The following SERPINB10 variants were observed in gnomAD, a reference collection of about 807,000 sequenced individuals.
SERPINB10 encodes the protein serpin family B member 10.
SERPINB10 carries 35 observed loss-of-function variants against 39.1 expected under a neutral mutation model. That is an observed-to-expected ratio of 0.90 (90% CI 0.68 to 1.19). SERPINB10 has a LOEUF of 1.19. Ranked by LOEUF, SERPINB10 falls within the 50% of genes most tolerant of loss-of-function variation. The pLI is 0.00. For synonymous variants in SERPINB10, 190 were observed against 158.1 expected (o/e 1.20, Z -1.52); for missense variants, 546 against 460.5 (o/e 1.19, Z -1.70).
At chr18:63,931,746 C>T (rs940273321) in intron 6 of SERPINB10, among the ~76,000 whole-genome samples, 10 of 152,110 alleles carry the variant, frequency 6.6e-5, no homozygotes, top group Non-Finnish European at 1.3e-4. Context: ...AATTGATGAT[C>T]TAATATTGAT....
chr18:63,908,708 C>A (rs2050042998), intron 1 of SERPINB10, among the ~76,000 whole-genome samples: 1 of 152,032 alleles, frequency 6.6e-6, no homozygotes, highest in Non-Finnish European at 1.5e-5. Flanking sequence ...TAGAGAGGTG[C>A]TGGGGATTGG....
intron 1 of SERPINB10, among the ~76,000 whole-genome samples, chr18:63,912,835 A>G (rs537373822): frequency 5.3e-5 from 8 of 151,896 alleles, no homozygotes; most frequent in Non-Finnish European, 8.8e-5. Context: ...ATTTTTTGAA[A>G]TTATTTCATC....
rs1389764245 is a variant in SERPINB10, at chr18:63,935,275, T to C, written c.*33T>C. On this transcript the variant is annotated 3_prime_UTR_variant, in exon 8 of 8. Coordinates refer to ENST00000238508, the MANE Select transcript of SERPINB10 (RefSeq NM_005024.3). ...ATATCTCTCAACAAACAAGACCATC[T>C]TACAGTGTGAAAAATGTACCATGAG... The C allele has an allele frequency of 3.3e-6, 5 of 1,510,548 alleles. No homozygotes were observed. The highest frequency in any genetic ancestry group is 3.5e-6 in the Non-Finnish European group (4 of 1,136,310). 93.6% of individuals were successfully genotyped at this position (1,510,548 alleles called of 1,614,324 possible). A position where few individuals can be genotyped will look rare whatever the true frequency, so the allele number is the denominator to read the frequency against.
At chr18:63,933,471 A>C (rs2050238893) in intron 7 of SERPINB10, among the ~76,000 whole-genome samples, 1 of 152,190 alleles carries the variant, frequency 6.6e-6, no homozygotes, top group African/African-American at 2.4e-5. Context: ...TGGGGTCATC[A>C]CACACATAGC....
At chr18:63,916,857 A>G (rs775957935) in intron 2 of SERPINB10, among the ~76,000 whole-genome samples, 1 of 151,936 alleles carries the variant, frequency 6.6e-6, no homozygotes, top group Non-Finnish European at 1.5e-5. Flanking sequence ...CGTATTTCTT[A>G]TTGTCAGCCG....
chr18:63,917,387 C>A lies in SERPINB10; in HGVS notation c.169-69C>A, dbSNP rs574759939. 2.5e-5 allele frequency: 22 copies of A among 882,066 alleles called. No individual in the cohort carries two copies. In the Admixed American group the frequency reaches 5.2e-4, roughly 21 times the overall value. 54.6% of individuals were successfully genotyped at this position (882,066 alleles called of 1,614,324 possible). ...TATAGGAATGACTGACTTGTATTTACAGATGATGTATGATTTATATAATTA... is the reference window on the plus strand; with the variant it reads ...TATAGGAATGACTGACTTGTATTTAAAGATGATGTATGATTTATATAATTA... On this transcript the variant is annotated intron_variant, in intron 2 of 7. Transcript: ENST00000238508.
intron 1 of SERPINB10, among the ~76,000 whole-genome samples, chr18:63,908,818 G>C (rs113745283): frequency 2.0e-5 from 3 of 152,054 alleles, no homozygotes; most frequent in African/African-American, 7.2e-5. Context: ...CATGGAAAAC[G>C]GGACAAGAAT....
intron 1 of SERPINB10, among the ~76,000 whole-genome samples, chr18:63,909,373 C>A (rs1410629268): frequency 1.3e-5 from 2 of 151,960 alleles, no homozygotes; most frequent in Non-Finnish European, 2.9e-5. Flanking sequence ...CAATTCTACA[C>A]CCTTCAGAAA....
chr18:63,925,561 G>GTGCGACAAAATCTGGAGCAATTTT (rs2050175555), intron 5 of SERPINB10, among the ~76,000 whole-genome samples: 1 of 151,986 alleles, frequency 6.6e-6, no homozygotes, highest in Non-Finnish European at 1.5e-5. Flanking sequence ...GGAGCAATTT[G>GTGCGACAAAATCTGGAGCAATTTT]TGCAACAAAA....
intron 1 of SERPINB10, among the ~76,000 whole-genome samples, chr18:63,910,005 C>T (rs1375070955): frequency 6.6e-6 from 1 of 151,976 alleles, no homozygotes; most frequent in Non-Finnish European, 1.5e-5. Flanking sequence ...ACAGGAGCCA[C>T]ACCTAGGGCA....
chr18:63,918,526 T>C (rs1297361173), intron 4 of SERPINB10, among the ~76,000 whole-genome samples: 1 of 152,008 alleles, frequency 6.6e-6, no homozygotes, highest in Admixed American at 6.6e-5. Context: ...ATGCAGACCA[T>C]GATGACTCTG....
intron 1 of SERPINB10, among the ~76,000 whole-genome samples, chr18:63,909,438 G>C (rs1044588560): frequency 6.4e-4 from 97 of 151,992 alleles, no homozygotes; most frequent in African/African-American, 2.1e-3. Flanking sequence ...TACTTCATTA[G>C]ATTTCTTTAA....
intron 7 of SERPINB10, among the ~76,000 whole-genome samples, chr18:63,934,461 C>T (rs1306882022): frequency 2.6e-5 from 4 of 152,040 alleles, no homozygotes; most frequent in African/African-American, 4.8e-5. Context: ...TCTCCCATGT[C>T]GATAAACAAG....
At chr18:63,908,366 C>G (rs1245695243) in intron 1 of SERPINB10, among the ~76,000 whole-genome samples, 1 of 152,016 alleles carries the variant, frequency 6.6e-6, no homozygotes, top group Non-Finnish European at 1.5e-5. Context: ...TTCCTCCAGT[C>G]ACATTTATGT....
intron 2 of SERPINB10, 124 bp from the exon 3 acceptor site, chr18:63,917,332 C>T (rs1483279886): frequency 2.0e-6 from 1 of 493,992 alleles, no homozygotes; most frequent in Non-Finnish European, 3.5e-6. Context: ...GTCAGAGCCC[C>T]TTTGTTTAAC....
At chr18:63,915,179 C>G (rs530887072) in intron 1 of SERPINB10, among the ~76,000 whole-genome samples, 1 of 151,978 alleles carries the variant, frequency 6.6e-6, no homozygotes, top group Non-Finnish European at 1.5e-5. Flanking sequence ...TAGATACAAA[C>G]ACATGGAAAC....
intron 5 of SERPINB10, among the ~76,000 whole-genome samples, chr18:63,921,887 C>A (rs1395937145): frequency 6.6e-6 from 1 of 151,938 alleles, no homozygotes; most frequent in East Asian, 1.9e-4. Context: ...TGTACTCATG[C>A]CATTTCTTCT....
intron 5 of SERPINB10, among the ~76,000 whole-genome samples, chr18:63,922,546 A>T (rs1359629853): frequency 6.6e-6 from 1 of 151,936 alleles, no homozygotes; most frequent in Non-Finnish European, 1.5e-5. Flanking sequence ...GATCCTACAG[A>T]TTGGAAGGCT....
chr18:63,929,712 CAAAAAAAAAA>C (rs74169990), intron 5 of SERPINB10, among the ~76,000 whole-genome samples: 94 of 97,358 alleles, frequency 9.7e-4, no homozygotes, highest in East Asian at 1.7e-3. Flanking sequence ...AGCTAAAGTG[CAAAAAAAAAA>C]AAAAAAAAAA....
Sources: gnomAD v4.1 joint callset for allele counts (sites outside exome capture counted in the v4.1 genomes callset) on GRCh38, gnomAD v4.1.1 for gene constraint, MANE v1.5 for transcripts, NCBI Gene and HGNC (gene_info 2026-07-23, HGNC 2026-07-21) for gene names.